TMEM63A: variants seen among roughly 807,000 people sequenced by gnomAD.
The protein encoded by TMEM63A is transmembrane protein 63A, also known as mechanosensitive cation channel TMEM63A.
Under a neutral mutation model 100.6 loss-of-function variants are expected in TMEM63A, and 76 were observed. The observed-to-expected ratio is 0.76, with a 90% CI of 0.63 to 0.91. The LOEUF (loss-of-function observed/expected upper bound fraction) is 0.91. Ranked by LOEUF, TMEM63A falls within the 40% of genes least tolerant of loss-of-function variation. The probability of loss-of-function intolerance (pLI) is 0.00; values close to 1 mark genes in which losing one functional copy is unlikely to be tolerated. For synonymous variants in TMEM63A, 401 were observed against 401.1 expected (o/e 1.00, Z 0.00); for missense variants, 876 against 1,008.8 (o/e 0.87, Z 1.78).
intron 4 of TMEM63A, 109 bp from the exon 5 acceptor site, chr1:225,872,162 A>G: frequency 2.7e-6 from 2 of 729,062 alleles, no homozygotes; most frequent in Non-Finnish European, 4.6e-6. Context: ...GGAGCTCAGA[A>G]CCAAAGCTAC....
chr1:225,856,660 A>T lies in TMEM63A; in HGVS notation c.1563T>A (p.Gly521=). 2 of 1,613,740 alleles carry T rather than the reference A, an allele frequency of 1.2e-6. No individual in the cohort carries two copies. Among genetic ancestry groups the T allele is most frequent in the Non-Finnish European group, 1.7e-6 (2 of 1,179,884 alleles). Residue 521 remains glycine (G), a synonymous_variant, in exon 17 of 25, where the codon GGT becomes GGA. Transcript: ENST00000366835. The part of the protein sequence containing the change: ...IFMVLILPSL[G]LTSLDFFFRW... The stretch of plus-strand genomic sequence containing the variant: ...AAGGTGGTGGCATATACCTGGTGAG[A>T]CCCAGGGAGGGCAGGATCAGCACCA...
intron 20 of TMEM63A, among the ~76,000 whole-genome samples, chr1:225,850,349 T>C (rs1459643991): frequency 6.6e-6 from 1 of 151,504 alleles, no homozygotes; most frequent in Non-Finnish European, 1.5e-5. Flanking sequence ...TTATAGGAAA[T>C]AGACACAAAC....
intron 20 of TMEM63A, among the ~76,000 whole-genome samples, chr1:225,851,407 T>C (rs560865189): frequency 2.2e-4 from 34 of 152,324 alleles, no homozygotes; most frequent in African/African-American, 8.2e-4. Context: ...GTCTCGCTCA[T>C]TGGTCAGGCT....
At chr1:225,881,680 T>A (rs1671096608) in intron 1 of TMEM63A, among the ~76,000 whole-genome samples, 1 of 152,200 alleles carries the variant, frequency 6.6e-6, no homozygotes, top group Non-Finnish European at 1.5e-5. Context: ...GGACACCACC[T>A]GCCTGGGGCT....
At chr1:225,854,277 G>T (rs568011875) in intron 18 of TMEM63A, among the ~76,000 whole-genome samples, 9 of 152,242 alleles carry the variant, frequency 5.9e-5, no homozygotes, top group Non-Finnish European at 1.0e-4. Context: ...GACAGCAGTG[G>T]GCGAGGGGAG....
At chr1:225,863,925 AAAAAAAAAAAAAAAAC>A (rs1257277128) in intron 10 of TMEM63A, 1 of 148,406 alleles carries the variant, frequency 6.7e-6, no homozygotes, top group East Asian at 2.0e-4. Context: ...AAAAAAAAAA[AAAAAAAAAAAAAAAAC>A]CCAGCAAAAT....
At chr1:225,851,131 G>C (rs538596880) in intron 20 of TMEM63A, among the ~76,000 whole-genome samples, 7 of 152,258 alleles carry the variant, frequency 4.6e-5, no homozygotes, top group Non-Finnish European at 7.4e-5. Flanking sequence ...ATCTTGGAAA[G>C]AGGCTGTTTC....
chr1:225,881,690 T>A (rs944384322), intron 1 of TMEM63A, among the ~76,000 whole-genome samples: 2 of 152,218 alleles, frequency 1.3e-5, no homozygotes, highest in Admixed American at 6.5e-5. Flanking sequence ...TGCCTGGGGC[T>A]GAATGACCAA....
rs1418690209 is a variant in TMEM63A, at chr1:225,853,843, G to C, written c.1635-52C>G. ...GAGCTGAGAGCCGCTCTTGGAGGGA[G>C]AGGAGGGGCCCCTAGGCTGGGCAGG... On this transcript the variant is annotated intron_variant, in intron 18 of 24. Transcript: ENST00000366835. This position sits in a 1 kb window ranked among gnomAD's most constrained non-coding sequence, Gnocchi z 4.0. 1 of 1,509,806 alleles carries C rather than the reference G, an allele frequency of 6.6e-7. No individual in the cohort carries two copies. Among genetic ancestry groups the C allele is most frequent in the East Asian group, 2.4e-5 (1 of 42,280 alleles). The allele number at this position is 1,509,806 out of a possible 1,614,324, so 93.5% of individuals were successfully genotyped here.
chr1:225,872,391 GAATA>G lies in TMEM63A; in HGVS notation c.267-342_267-339del, dbSNP rs1194938644. 4.6e-5 allele frequency among the ~76,000 whole-genome samples: 7 copies of G among 152,244 alleles called. No individual in the cohort carries two copies. In the East Asian group the frequency reaches 1.3e-3, roughly 29 times the overall value. On this transcript the variant is annotated intron_variant, in intron 4 of 24. Transcript: ENST00000366835. The stretch of plus-strand genomic sequence containing the variant: ...TCCCTATATTATCAAATAAAACTTG[GAATA>G]AATACTACATTTTATCAAATCTAAG...
At chr1:225,864,143 TCAATGCTCATGGC>T (rs1408281838) in intron 10 of TMEM63A, 1 of 152,018 alleles carries the variant, frequency 6.6e-6, no homozygotes. Context: ...GGCTCCAAGG[TCAATGCTCATGGC>T]CACCATGCAA....
chr1:225,863,675 G>A (rs986241218), intron 10 of TMEM63A, among the ~76,000 whole-genome samples: 3 of 152,066 alleles, frequency 2.0e-5, no homozygotes, highest in Non-Finnish European at 2.9e-5. Flanking sequence ...CCAGCACTTC[G>A]GGAGGCTGAG....
chr1:225,860,800 G>A (rs1669896806), intron 14 of TMEM63A, 60 bp downstream of exon 14: 2 of 1,532,040 alleles, frequency 1.3e-6, no homozygotes, highest in Non-Finnish European at 1.8e-6. Flanking sequence ...TCCAGGTGAT[G>A]GGCAGCTCCC....
downstream of TMEM63A, chr1:225,844,585 G>A (rs368469434): frequency 1.1e-5 from 17 of 1,614,034 alleles, no homozygotes; most frequent in African/African-American, 1.3e-4. Flanking sequence ...TCTACAAGGA[G>A]AACCTGGGAC....
Position 225,862,074 on chromosome 1 carries a change from A to G in TMEM63A, c.1085+144T>C, listed in dbSNP as rs1669968329. 8.8e-6 allele frequency: 11 copies of G among 1,253,048 alleles called. No homozygotes were observed. Among genetic ancestry groups the G allele is most frequent in the Non-Finnish European group, 1.2e-5 (11 of 915,388 alleles). The allele number at this position is 1,253,048 out of a possible 1,614,324, so 77.6% of individuals were successfully genotyped here. On this transcript the variant is annotated intron_variant, in intron 13 of 24. Transcript: ENST00000366835. The surrounding 1 kb of genome is among the most constrained non-coding windows in gnomAD (Gnocchi z 5.1). The stretch of plus-strand genomic sequence containing the variant: ...GGGCTGGCTGAAAGTGAGTGTGGGT[A>G]GCTGAGGGAGGAGAAGGAAACACCA...
chr1:225,877,683 C>T (rs1670878905), intron 2 of TMEM63A, 89 bp from the exon 3 acceptor site: 4 of 1,348,776 alleles, frequency 3.0e-6, no homozygotes, highest in Admixed American at 2.4e-5. Context: ...CAAAGGCAGG[C>T]GTTTCCCAGG....
chr1:225,855,205 T>C (rs148486010), intron 18 of TMEM63A, among the ~76,000 whole-genome samples: 91 of 152,326 alleles, frequency 6.0e-4, no homozygotes, highest in African/African-American at 2.1e-3. Flanking sequence ...GTATAGTCTG[T>C]AGGGGCTGGG....
At chr1:225,858,940 T>C (rs1669784785) in intron 15 of TMEM63A, among the ~76,000 whole-genome samples, 1 of 147,504 alleles carries the variant, frequency 6.8e-6, no homozygotes, top group Non-Finnish European at 1.5e-5. Context: ...TGTGTATATA[T>C]ACATATAATG....
rs1668938656 is a variant in TMEM63A at position 225,845,831 on chromosome 1, C to T, written c.*1108G>A. ...CCTGAGTGAGAAGGCCCAGATAAGC[C>T]CAGGCCCCCCAGGCCAGCGGACAGG... On this transcript the variant is annotated 3_prime_UTR_variant, in exon 25 of 25. Coordinates refer to ENST00000366835, the MANE Select transcript of TMEM63A (RefSeq NM_014698.3). 4.5e-6 allele frequency: 1 copy of T among 219,944 alleles called. No homozygotes were observed. The highest frequency in any genetic ancestry group is 7.3e-5 in the South Asian group (1 of 13,682). The allele number at this position is 219,944 out of a possible 1,614,324, so 13.6% of individuals were successfully genotyped here. A position where few individuals can be genotyped will look rare whatever the true frequency, so the allele number is the denominator to read the frequency against.
Sources: allele counts gnomAD v4.1 joint callset (sites outside exome capture counted in the v4.1 genomes callset), GRCh38; gene constraint gnomAD v4.1.1; non-coding constraint Gnocchi (gnomAD v3.1); transcripts MANE v1.5; gene names NCBI Gene and HGNC (gene_info 2026-07-23, HGNC 2026-07-21).